The following HAUS3 variants were observed in gnomAD, a reference collection of about 807,000 sequenced individuals.
HAUS3 encodes HAUS augmin-like complex subunit 3.
A neutral mutation model predicts 55.2 loss-of-function variants in HAUS3; 36 were observed. That is an observed-to-expected ratio of 0.65 (90% confidence interval 0.50 to 0.86). The LOEUF is 0.86. HAUS3 is among the 40% of genes least tolerant of loss of function. The pLI is 0.00. For synonymous variants in HAUS3, 234 were observed against 238.6 expected, an observed-to-expected ratio of 0.98 and a Z score of 0.18; for missense variants, 752 against 671.5, an observed-to-expected ratio of 1.12 and a Z score of -1.33.
In HAUS3 at chr4:2,240,194, AT is replaced by A; in HGVS notation, c.752del (p.Asn251IlefsTer10). 6.2e-7 allele frequency: 1 copy of A among 1,614,054 alleles called. No individual in the cohort carries two copies. The highest frequency in any genetic ancestry group is 8.5e-7 in the Non-Finnish European group (1 of 1,179,962). On this transcript the variant is annotated frameshift_variant, in exon 3 of 6. Coordinates refer to ENST00000443786, the MANE Select transcript of HAUS3 (RefSeq NM_001303143.2). LOFTEE classifies it high-confidence loss of function. ...LDIQTPSICD[N>X]QEILEERRLE... ...GTCGTCTCTCCTCAAGGATTTCTTGATTATCACAAATAGATGGTGTCTGTAT... is the reference window on the plus strand; with the variant it reads ...GTCGTCTCTCCTCAAGGATTTCTTGATATCACAAATAGATGGTGTCTGTAT...
Position 2,241,038 on chromosome 4 carries a change from T to C in HAUS3, c.-92A>G. 1.1e-6 allele frequency: 1 copy of C among 911,552 alleles called. No homozygotes were observed. The highest frequency in any genetic ancestry group is 1.5e-5 in the South Asian group (1 of 65,452). 56.5% of individuals were successfully genotyped at this position (911,552 alleles called of 1,614,324 possible). ...TCCAAGCAGAAAAAAAGCTACGTTT[T>C]ATACCAAGTCCACAGAGAAGGGAAA... is the stretch of plus-strand genomic sequence containing the variant. On this transcript the variant is annotated 5_prime_UTR_variant, in exon 3 of 6. It adds an upstream start codon to the 5' untranslated region. Coordinates refer to ENST00000443786, the MANE Select transcript of HAUS3 (RefSeq NM_001303143.2).
In HAUS3 at chr4:2,238,619, T is replaced by C. The variant is rs1194005583; in HGVS notation, c.1334A>G (p.Asp445Gly). 5.0e-6 allele frequency: 8 copies of C among 1,595,736 alleles called. No individual in the cohort carries two copies. The South Asian group carries it at 6.7e-5, about 13-fold the overall frequency. Residue 445 changes from aspartate to glycine, a missense_variant, in exon 4 of 6, where the codon GAT becomes GGT. Transcript: ENST00000443786. ...GCATACGTACCTATGAGTAGAATAA[T>C]CCTTAGTATCAATGGTATTCCTTGG... ...INPRNTIDTK[D>G]YSTHRLYQVL...
chr4:2,231,953 T>A lies in HAUS3; in HGVS notation c.1786A>T (p.Ile596Phe). 1 of 1,410,940 alleles carries A rather than the reference T, an allele frequency of 7.1e-7. No homozygotes were observed. Among genetic ancestry groups the A allele is most frequent in the Non-Finnish European group, 9.9e-7 (1 of 1,013,326 alleles). The allele number at this position is 1,410,940 out of a possible 1,614,324, so 87.4% of individuals were successfully genotyped here. A position where few individuals can be genotyped will look rare whatever the true frequency, so the allele number is the denominator to read the frequency against. ...IVENLETQSK[I>F]KAVSLED The stretch of plus-strand genomic sequence containing the variant: ...CAATCTTCAAGACTAACAGCCTTAA[T>A]CTTTGATTGAGTTTCTAAATTCTCC... Residue 596 changes from isoleucine to phenylalanine, a missense_variant, in exon 6 of 6, where the codon ATT becomes TTT. Physicochemically the swap from Ile to Phe is conservative, Grantham distance 21 (BLOSUM62 0). Transcript: ENST00000443786.
At chr4:2,239,387 A>G (rs1218277064) in intron 3 of HAUS3, among the ~76,000 whole-genome samples, 1 of 152,206 alleles carries the variant, frequency 6.6e-6, no homozygotes, top group Non-Finnish European at 1.5e-5. Context: ...AATTACTTCA[A>G]TAGGTCCTAG....
At position 2,238,910 on chromosome 4, in the gene HAUS3, T is replaced by G; in HGVS notation, c.1043A>C (p.Asn348Thr). 3 of 1,612,900 alleles carry G rather than the reference T, an allele frequency of 1.9e-6. No homozygotes were observed. The highest frequency in any genetic ancestry group is 2.5e-6 in the Non-Finnish European group (3 of 1,179,500). The change falls in exon 4 of 6, where the codon AAT (asparagine) becomes ACT (threonine). Residue 348 changes from asparagine (N) to threonine (T), a missense_variant. Asn to Thr is a moderately conservative substitution (Grantham distance 65, BLOSUM62 0). Transcript: ENST00000443786. ...AVVRENAQLL[N>T]MPVVKGDFDL... The stretch of plus-strand genomic sequence containing the variant: ...AAAATCTCCCTTTACCACTGGCATA[T>G]TCAATAACTGGGCATTCTCTCTTAC...
rs34514922 is a variant in HAUS3, at chr4:2,229,402, TAGAA to T, written c.*2521_*2524del. On this transcript the variant is annotated 3_prime_UTR_variant, in exon 6 of 6. Coordinates refer to ENST00000443786, the MANE Select transcript of HAUS3 (RefSeq NM_001303143.2). Reference sequence around the variant, plus strand: ...GGCATCAATCATCCAATAATATAGATAGAAAGAAAAAAGCAAAATAGCTAGAGGC... The same window carrying T: ...GGCATCAATCATCCAATAATATAGATAGAAAAAAGCAAAATAGCTAGAGGC... 0.01 allele frequency: 6,032 copies of T among 582,962 alleles called. 314 individuals are homozygous for T. The African/African-American group carries it at 0.11, about 10-fold the overall frequency. 36.1% of individuals were successfully genotyped at this position (582,962 alleles called of 1,614,324 possible).
chr4:2,232,462 T>C (rs183835575), intron 5 of HAUS3, among the ~76,000 whole-genome samples: 278 of 152,330 alleles, frequency 1.8e-3, no homozygotes, highest in Non-Finnish European at 3.2e-3. Flanking sequence ...TGCCAAGTAC[T>C]GTTTTAGAGA....
At position 2,230,041 on chromosome 4, in the gene HAUS3, T is replaced by C. The variant is rs866387529; in HGVS notation, c.*1886A>G. The C allele has an allele frequency of 6.6e-6, 1 of 152,326 alleles. No individual in the cohort carries two copies. Among genetic ancestry groups the C allele is most frequent in the Non-Finnish European group, 1.5e-5 (1 of 68,190 alleles). 9.4% of individuals were successfully genotyped at this position (152,326 alleles called of 1,614,324 possible). On this transcript the variant is annotated 3_prime_UTR_variant, in exon 6 of 6. Transcript: ENST00000443786. ...GGGGCATGGTGGCTTACACCTGTAA[T>C]GCCAGCACTATGGAAGGCCAAGGCG...
rs1219681454 is a variant in HAUS3 at position 2,229,367 on chromosome 4, AC to A, written c.*2559del. Reference sequence around the variant, plus strand: ...ATTTAAAATGTCTATATTCATAACCACAGAAAATAGGCATCAATCATCCAAT... The same window carrying A: ...ATTTAAAATGTCTATATTCATAACCAAGAAAATAGGCATCAATCATCCAAT... On this transcript the variant is annotated 3_prime_UTR_variant, in exon 6 of 6. Transcript: ENST00000443786. 7 of 813,880 alleles carry A rather than the reference AC, an allele frequency of 8.6e-6. No individual in the cohort carries two copies. Among genetic ancestry groups the A allele is most frequent in the African/African-American group, 1.8e-5 (1 of 55,742 alleles). The allele number at this position is 813,880 out of a possible 1,614,324, so 50.4% of individuals were successfully genotyped here.
Position 2,235,746 on chromosome 4 carries a change from AAT to A in HAUS3, c.1578+480_1578+481del, listed in dbSNP as rs376301794. The stretch of plus-strand genomic sequence containing the variant: ...TATAAAACTAAATACACAGTCTAGG[AAT>A]ATATATATATGTGTGTATGTGTGTG... On this transcript the variant is annotated intron_variant, in intron 5 of 5. Coordinates refer to ENST00000443786, the MANE Select transcript of HAUS3 (RefSeq NM_001303143.2). Among the ~76,000 whole-genome samples, 1,173 of 152,050 alleles carry A rather than the reference AAT, an allele frequency of 7.7e-3. 25 individuals carry two copies. The highest frequency in any genetic ancestry group is 0.026 in the African/African-American group (1,095 of 41,492).
rs180812538 is a variant in HAUS3 at position 2,240,067 on chromosome 4, C to G, written c.880G>C (p.Glu294Gln). Reference sequence around the variant, plus strand: ...CTGGTTAGGCTGTGAAGACTCTCCTCTGCCCATTTTATACTTGACTTCATG... The same window carrying G: ...CTGGTTAGGCTGTGAAGACTCTCCTGTGCCCATTTTATACTTGACTTCATG... ...SSMKSSIKWA[E>Q]ESLHSLTSKA... Residue 294 changes from glutamate (E) to glutamine (Q), a missense_variant, in exon 3 of 6, where the codon GAG becomes CAG. Glu to Gln is a conservative substitution (Grantham distance 29). Coordinates refer to ENST00000443786, the MANE Select transcript of HAUS3 (RefSeq NM_001303143.2). 1.9e-6 allele frequency: 3 copies of G among 1,613,866 alleles called. No homozygotes were observed. The South Asian group carries it at 3.3e-5, about 18-fold the overall frequency.
At chr4:2,235,959 TTTTA>T (rs768165609) in intron 5 of HAUS3, among the ~76,000 whole-genome samples, 20 of 152,044 alleles carry the variant, frequency 1.3e-4, no homozygotes, top group East Asian at 1.9e-4. Context: ...ACAGAGGCGG[TTTTA>T]TTTATTTTTT....
chr4:2,240,996 G>C lies in HAUS3; in HGVS notation c.-50C>G, dbSNP rs767981045. ...GTATCTGATATGGGTTTACGGTGTT[G>C]ATTTTTAGAAAATAAATCCAAGCAG... is the stretch of plus-strand genomic sequence containing the variant. On this transcript the variant is annotated 5_prime_UTR_variant, in exon 3 of 6. The change creates a new upstream start codon in the 5' untranslated region. Coordinates refer to ENST00000443786, the MANE Select transcript of HAUS3 (RefSeq NM_001303143.2). The C allele has an allele frequency of 7.4e-7, 1 of 1,351,792 alleles. No homozygotes were observed. The highest frequency in any genetic ancestry group is 1.0e-6 in the Non-Finnish European group (1 of 987,282). The allele number at this position is 1,351,792 out of a possible 1,614,324, so 83.7% of individuals were successfully genotyped here.
chr4:2,240,226 A>C lies in HAUS3; in HGVS notation c.721T>G (p.Leu241Val). 1 of 1,613,824 alleles carries C rather than the reference A, an allele frequency of 6.2e-7. No individual in the cohort carries two copies. The highest frequency in any genetic ancestry group is 8.5e-7 in the Non-Finnish European group (1 of 1,179,868). ...CAAATAGATGGTGTCTGTATATCTA[A>C]AAGTTGAAAATTGTCTTCATTTGAA... The part of the protein sequence containing the change: ...ESSNEDNFQL[L>V]DIQTPSICDN... The change falls in exon 3 of 6, where the codon TTA (leucine) becomes GTA (valine). Residue 241 changes from leucine (L) to valine (V), a missense_variant. Coordinates refer to ENST00000443786, the MANE Select transcript of HAUS3 (RefSeq NM_001303143.2).
At position 2,240,419 on chromosome 4, in the gene HAUS3, C is replaced by G; in HGVS notation, c.528G>C (p.Leu176Phe). The change falls in exon 3 of 6, where the codon TTG becomes TTC. Residue 176 changes from leucine to phenylalanine, a missense_variant. Physicochemically the swap from Leu to Phe is conservative, Grantham distance 22. Coordinates refer to ENST00000443786, the MANE Select transcript of HAUS3 (RefSeq NM_001303143.2). ...AATTAGAATGTCTGAAGAACATCAT[C>G]AATTGTGTAACTTCATCAGTAAGAG... Reference protein sequence around the residue: ...LQALTDEVTQLMMFFRHSNLG... With the variant: ...LQALTDEVTQFMMFFRHSNLG... 5 of 1,613,556 alleles carry G rather than the reference C, an allele frequency of 3.1e-6. No individual in the cohort carries two copies. Among genetic ancestry groups the G allele is most frequent in the Non-Finnish European group, 4.2e-6 (5 of 1,179,722 alleles).
intron 3 of HAUS3, 119 bp from the exon 4 acceptor site, chr4:2,239,162 T>C (rs1734880830): frequency 1.9e-6 from 1 of 534,520 alleles, no homozygotes; most frequent in South Asian, 4.0e-5. Flanking sequence ...TGAAAACTAA[T>C]TTAATATTCA....
At position 2,229,749 on chromosome 4, in the gene HAUS3, GAAGGC is replaced by G. The variant is rs2108774263; in HGVS notation, c.*2173_*2177del. 6.6e-6 allele frequency: 1 copy of G among 152,446 alleles called. No homozygotes were observed. Among genetic ancestry groups the G allele is most frequent in the Admixed American group, 6.5e-5 (1 of 15,284 alleles). 9.4% of individuals were successfully genotyped at this position (152,446 alleles called of 1,614,324 possible). On this transcript the variant is annotated 3_prime_UTR_variant, in exon 6 of 6. Coordinates refer to ENST00000443786, the MANE Select transcript of HAUS3 (RefSeq NM_001303143.2). ...GAGGCAGGAGAATCACGTGAACCCAGAAGGCAGAGGTTGCAGTGAGCTGAGATCAT... is the reference window on the plus strand; with the variant it reads ...GAGGCAGGAGAATCACGTGAACCCAGAGAGGTTGCAGTGAGCTGAGATCAT...
intron 4 of HAUS3, among the ~76,000 whole-genome samples, chr4:2,237,270 A>T (rs1162006372): frequency 4.8e-5 from 7 of 146,200 alleles, no homozygotes; most frequent in East Asian, 4.0e-4. Flanking sequence ...ATCTCTACAA[A>T]TTTTTTTTTT....
In HAUS3 at chr4:2,229,299, A is replaced by T. The variant is rs185955462; in HGVS notation, c.*2628T>A. ...CATATATTAATCCTAAGACTATAAA[A>T]CAGGAAATACAATTATTTTCAAAAA... On this transcript the variant is annotated 3_prime_UTR_variant, in exon 6 of 6. Coordinates refer to ENST00000443786, the MANE Select transcript of HAUS3 (RefSeq NM_001303143.2). 673 of 1,337,918 alleles carry T rather than the reference A, an allele frequency of 5.0e-4. 4 individuals are homozygous for T. The African/African-American group carries it at 9.1e-3, about 18-fold the overall frequency. The allele number at this position is 1,337,918 out of a possible 1,614,324, so 82.9% of individuals were successfully genotyped here. A position where few individuals can be genotyped will look rare whatever the true frequency, so the allele number is the denominator to read the frequency against.
Sources: gnomAD v4.1 joint callset for allele counts (sites outside exome capture counted in the v4.1 genomes callset) on GRCh38, gnomAD v4.1.1 for gene constraint, MANE v1.5 for transcripts, NCBI Gene and HGNC (gene_info 2026-07-23, HGNC 2026-07-21) for gene names.